The following ROCK1 variants were observed in gnomAD, a reference collection of about 807,000 sequenced individuals.
The protein encoded by ROCK1 is rho-associated protein kinase 1.
In ROCK1, 36 loss-of-function variants were observed where a neutral mutation model predicts 196.8. The observed-to-expected ratio is 0.18, with a 90% CI of 0.14 to 0.24. ROCK1 has a LOEUF of 0.24. Ranked by LOEUF, ROCK1 falls within the 10% of genes least tolerant of loss-of-function variation. ROCK1 has a pLI of 1.00. For synonymous variants in ROCK1, 443 were observed against 515.9 expected, an observed-to-expected ratio of 0.86 and a Z score of 1.91; for missense variants, 920 against 1,562.0, an observed-to-expected ratio of 0.59 and a Z score of 6.93.
chr18:21,021,533 A>T (rs1181910723), intron 11 of ROCK1, among the ~76,000 whole-genome samples: 1 of 152,182 alleles, frequency 6.6e-6, no homozygotes, highest in South Asian at 2.1e-4. Flanking sequence ...AGTCAGTGTC[A>T]AATACAGCAA....
chr18:20,992,691 C>A (rs922043105), intron 17 of ROCK1, 140 bp downstream of exon 17: 5 of 566,508 alleles, frequency 8.8e-6, no homozygotes, highest in African/African-American at 7.6e-5. Context: ...GCCCCACATA[C>A]AACCAATCAA....
intron 20 of ROCK1, among the ~76,000 whole-genome samples, chr18:20,983,999 T>C (rs1346084580): frequency 6.6e-6 from 1 of 152,196 alleles, no homozygotes; most frequent in East Asian, 1.9e-4. Context: ...CATTTTTGCA[T>C]TTTGAGATGA....
intron 24 of ROCK1, 31 bp from the exon 25 acceptor site, chr18:20,968,891 A>G (rs1568370291): frequency 1.5e-6 from 2 of 1,344,186 alleles, no homozygotes; most frequent in Admixed American, 3.4e-5. Context: ...ATGTTATTGT[A>G]TGGTATTAAT....
chr18:21,088,181 T>C (rs911335672), intron 1 of ROCK1, among the ~76,000 whole-genome samples: 3 of 152,186 alleles, frequency 2.0e-5, no homozygotes, highest in South Asian at 2.1e-4. Context: ...GAAAAATGTA[T>C]AGCATTAAAT....
chr18:20,959,175 ATATAATAT>A (rs2035300032), intron 29 of ROCK1, among the ~76,000 whole-genome samples: 2 of 82,722 alleles, frequency 2.4e-5, no homozygotes, highest in African/African-American at 1.0e-4. Flanking sequence ...TATATAATAT[ATATAATAT>A]TATATATAAT....
intron 9 of ROCK1, among the ~76,000 whole-genome samples, chr18:21,029,698 C>T (rs140703999): frequency 2.6e-5 from 4 of 152,058 alleles, no homozygotes; most frequent in South Asian, 2.1e-4. Context: ...TATGTGACAA[C>T]GTTTAAATAT....
intron 2 of ROCK1, among the ~76,000 whole-genome samples, chr18:21,052,541 C>T (rs755159916): frequency 6.6e-6 from 1 of 152,118 alleles, no homozygotes; most frequent in Non-Finnish European, 1.5e-5. Context: ...ACCCCTGAGC[C>T]GTGGACCTGT....
chr18:21,059,199 T>C (rs1435105387), intron 2 of ROCK1, among the ~76,000 whole-genome samples: 1 of 152,190 alleles, frequency 6.6e-6, no homozygotes, highest in Non-Finnish European at 1.5e-5. Context: ...TATAAGCCCA[T>C]ACTGCTTCAT....
In ROCK1 at chr18:20,949,917, G is replaced by T. The variant is rs1365044724; in HGVS notation, c.*1467C>A. On this transcript the variant is annotated 3_prime_UTR_variant, in exon 33 of 33. Transcript: ENST00000399799. ...TTTTATTTCTCATTAAATGAGCACA[G>T]AGTCATTAGTATATTAATAACAGAT... is the stretch of plus-strand genomic sequence containing the variant. The T allele has an allele frequency of 6.6e-6, 1 of 152,550 alleles. No individual in the cohort carries two copies. The highest frequency in any genetic ancestry group is 1.5e-5 in the Non-Finnish European group (1 of 67,976). 9.4% of individuals were successfully genotyped at this position (152,550 alleles called of 1,614,324 possible). A position where few individuals can be genotyped will look rare whatever the true frequency, so the allele number is the denominator to read the frequency against.
At chr18:21,101,486 T>G (rs1012107374) in intron 1 of ROCK1, among the ~76,000 whole-genome samples, 1 of 152,160 alleles carries the variant, frequency 6.6e-6, no homozygotes, top group African/African-American at 2.4e-5. Context: ...AGCTTTTAGA[T>G]CTAACTACCA....
intron 3 of ROCK1, among the ~76,000 whole-genome samples, 184 bp from the exon 4 acceptor site, chr18:21,049,413 CA>C (rs2036186395): frequency 6.6e-6 from 1 of 152,166 alleles, no homozygotes; most frequent in Non-Finnish European, 1.5e-5. Flanking sequence ...CTTTAATTAT[CA>C]GAAGTAATGT....
intron 4 of ROCK1, among the ~76,000 whole-genome samples, chr18:21,046,531 G>A (rs866207061): frequency 6.6e-6 from 1 of 152,198 alleles, no homozygotes; most frequent in African/African-American, 2.4e-5. Flanking sequence ...GTCAGGAGGA[G>A]GAGCAGTAAT....
At chr18:20,959,783 A>C in intron 29 of ROCK1, 57 bp downstream of exon 29, 1 of 880,848 alleles carries the variant, frequency 1.1e-6, no homozygotes, top group Non-Finnish European at 1.7e-6. Context: ...TAAGTCTAAA[A>C]ATAATTATCA....
chr18:20,968,308 TTTC>T (rs2035393308), intron 25 of ROCK1, among the ~76,000 whole-genome samples: 1 of 151,800 alleles, frequency 6.6e-6, no homozygotes, highest in African/African-American at 2.4e-5. Flanking sequence ...TGAAATCCTA[TTTC>T]TTTTTTTTTT....
At chr18:21,084,255 C>CG (rs1555755483) in intron 1 of ROCK1, among the ~76,000 whole-genome samples, 13 of 147,958 alleles carry the variant, frequency 8.8e-5, no homozygotes, top group Admixed American at 8.1e-4. Context: ...ACACAGGCAA[C>CG]AAAAAAAAAA....
chr18:21,049,365 C>T (rs1321939798), intron 3 of ROCK1, 136 bp from the exon 4 acceptor site: 1 of 676,446 alleles, frequency 1.5e-6, no homozygotes, highest in Non-Finnish European at 2.3e-6. Flanking sequence ...TTTATTTCTT[C>T]TCTTCTGCCA....
chr18:21,025,347 G>A (rs1237778463), intron 10 of ROCK1, among the ~76,000 whole-genome samples: 1 of 152,164 alleles, frequency 6.6e-6, no homozygotes, highest in African/African-American at 2.4e-5. Context: ...CTGGATTTCA[G>A]GGATAAGAAT....
chr18:20,973,063 C>T (rs1236916925), intron 22 of ROCK1, among the ~76,000 whole-genome samples: 1 of 150,834 alleles, frequency 6.6e-6, no homozygotes, highest in African/African-American at 2.4e-5. Context: ...ATTTTTAGTA[C>T]AGATGGGGTT....
chr18:21,060,009 T>C (rs1204949718), intron 2 of ROCK1, among the ~76,000 whole-genome samples: 1 of 152,176 alleles, frequency 6.6e-6, no homozygotes, highest in African/African-American at 2.4e-5. Flanking sequence ...GAAAATAGAT[T>C]AGTGGTTGTC....
Sources: gnomAD v4.1 joint callset for allele counts (sites outside exome capture counted in the v4.1 genomes callset) on GRCh38, gnomAD v4.1.1 for gene constraint, MANE v1.5 for transcripts, NCBI Gene and HGNC (gene_info 2026-07-23, HGNC 2026-07-21) for gene names.